Variants in RYK observed in about 807,000 individuals in gnomAD.
RYK encodes the protein receptor like tyrosine kinase.
A neutral mutation model predicts 70.2 loss-of-function variants in RYK; 21 were observed. The ratio of observed to expected loss-of-function variants is 0.30; its 90% CI spans 0.21 to 0.43. The LOEUF (loss-of-function observed/expected upper bound fraction) is 0.43. Among genes scored for constraint, RYK ranks in the 20% least tolerant of loss-of-function variants. The probability of loss-of-function intolerance (pLI) is 1.00; values close to 1 mark genes in which losing one functional copy is unlikely to be tolerated. For synonymous variants in RYK, 267 were observed against 278.0 expected (o/e 0.96, Z 0.39); for missense variants, 604 against 753.3 (o/e 0.80, Z 2.32).
chr3:134,234,628 A>C (rs1246182692), intron 1 of RYK, among the ~76,000 whole-genome samples: 2 of 152,100 alleles, frequency 1.3e-5, no homozygotes, highest in Non-Finnish European at 2.9e-5. Context: ...TTCTAGACAA[A>C]CTCTCATCAT....
At chr3:134,168,619 G>A (rs1261048036) in intron 13 of RYK, among the ~76,000 whole-genome samples, 6 of 123,920 alleles carry the variant, frequency 4.8e-5, no homozygotes, top group East Asian at 2.5e-4. Flanking sequence ...CGGGGCCTTC[G>A]TAGGGTAGGG....
intron 2 of RYK, among the ~76,000 whole-genome samples, chr3:134,215,623 C>T (rs1041968207): frequency 1.3e-5 from 2 of 152,238 alleles, no homozygotes; most frequent in African/African-American, 4.8e-5. Flanking sequence ...AGGACTCTCA[C>T]TTGCCAATCA....
At chr3:134,171,699 T>C (rs905863028) in intron 13 of RYK, among the ~76,000 whole-genome samples, 3 of 151,980 alleles carry the variant, frequency 2.0e-5, no homozygotes, top group Non-Finnish European at 4.4e-5. Context: ...AGCCTCCATC[T>C]CTACAAAAAA....
chr3:134,200,833 G>A (rs2013988525), intron 6 of RYK, among the ~76,000 whole-genome samples: 1 of 152,190 alleles, frequency 6.6e-6, no homozygotes, highest in Non-Finnish European at 1.5e-5. Flanking sequence ...CTCTGAAAAC[G>A]TGATAATATA....
At chr3:134,203,140 G>A (rs2014080951) in intron 5 of RYK, among the ~76,000 whole-genome samples, 2 of 152,112 alleles carry the variant, frequency 1.3e-5, no homozygotes, top group Admixed American at 6.5e-5. Context: ...TTGAGGTCAG[G>A]AGTTTGAGAC....
intron 8 of RYK, among the ~76,000 whole-genome samples, chr3:134,189,633 C>T (rs1252933389): frequency 1.4e-5 from 2 of 147,326 alleles, no homozygotes; most frequent in East Asian, 2.1e-4. Flanking sequence ...ATTAGCCGGG[C>T]GTGGGAGGCT....
At chr3:134,224,176 C>T (rs931697618) in intron 1 of RYK, among the ~76,000 whole-genome samples, 11 of 152,010 alleles carry the variant, frequency 7.2e-5, no homozygotes, top group Non-Finnish European at 1.6e-4. Flanking sequence ...ATGTGGAGAC[C>T]GGTAGTGGCC....
chr3:134,200,666 T>C (rs1455421790), intron 6 of RYK, among the ~76,000 whole-genome samples: 2 of 152,200 alleles, frequency 1.3e-5, no homozygotes, highest in Non-Finnish European at 2.9e-5. Context: ...ACAACATACC[T>C]ACTAGGTGTG....
intron 1 of RYK, among the ~76,000 whole-genome samples, chr3:134,248,061 C>T (rs1394786861): frequency 6.6e-6 from 1 of 152,134 alleles, no homozygotes; most frequent in African/African-American, 2.4e-5. Context: ...ACCCACTTGG[C>T]TCTTCCCTAC....
rs1375222978 is a variant in RYK, at chr3:134,197,495, AATT to A, written c.789-2316_789-2314del. 3.9e-5 allele frequency among the ~76,000 whole-genome samples: 6 copies of A among 152,360 alleles called. No individual in the cohort carries two copies. In the South Asian group the frequency reaches 8.3e-4, roughly 21 times the overall value. ...CCTAGCCCTCAAACATATCTTTATAAATTATTGTTACTAATTTATAGTATACTA... is the reference window on the plus strand; with the variant it reads ...CCTAGCCCTCAAACATATCTTTATAAATTGTTACTAATTTATAGTATACTA... On this transcript the variant is annotated intron_variant, in intron 6 of 14. Transcript: ENST00000623711.
Position 134,177,967 on chromosome 3 carries a change from T to G in RYK, c.1279A>C (p.Lys427Gln). 1.2e-6 allele frequency: 2 copies of G among 1,612,484 alleles called. No homozygotes were observed. Among genetic ancestry groups the G allele is most frequent in the Non-Finnish European group, 1.7e-6 (2 of 1,179,392 alleles). ...TGTGGATTATTGGCCTCTACTAACT[T>G]GCACTGTCGTAAAAACAATTTAAGA... Reference protein sequence around the residue: ...GNLKLFLRQCKLVEANNPQAI... With the variant: ...GNLKLFLRQCQLVEANNPQAI... The change falls in exon 11 of 15, where the codon AAG (lysine) becomes CAG (glutamine). Residue 427 changes from lysine (K) to glutamine (Q), a missense_variant. This residue lies in a region of RYK where 466 missense variants were observed against 535.9 expected (regional missense o/e 0.87). Transcript: ENST00000623711.
intron 1 of RYK, among the ~76,000 whole-genome samples, chr3:134,225,643 T>C (rs2014885109): frequency 6.6e-6 from 1 of 152,110 alleles, no homozygotes; most frequent in Non-Finnish European, 1.5e-5. Context: ...CCATTGAGGC[T>C]AGGAGTTCAA....
At chr3:134,210,769 T>C (rs2014367285) in intron 3 of RYK, among the ~76,000 whole-genome samples, 2 of 152,288 alleles carry the variant, frequency 1.3e-5, no homozygotes, top group Admixed American at 6.5e-5. Context: ...CTCTATGCTA[T>C]GCATCAAGGG....
intron 1 of RYK, among the ~76,000 whole-genome samples, chr3:134,234,290 C>A (rs74455985): frequency 9.2e-5 from 14 of 152,072 alleles, no homozygotes; most frequent in African/African-American, 3.1e-4. Flanking sequence ...ACATTTGTAA[C>A]GACATTATCT....
intron 6 of RYK, among the ~76,000 whole-genome samples, chr3:134,195,971 G>A (rs2013799261): frequency 6.6e-6 from 1 of 151,572 alleles, no homozygotes; most frequent in Non-Finnish European, 1.5e-5. Flanking sequence ...ATCAAATTTG[G>A]TTCAAGTTTA....
chr3:134,199,553 A>C (rs2013922510), intron 6 of RYK, among the ~76,000 whole-genome samples: 1 of 152,234 alleles, frequency 6.6e-6, no homozygotes, highest in South Asian at 2.1e-4. Context: ...AAGATAATAC[A>C]TATAAAGTAC....
In RYK at chr3:134,249,917, G is replaced by GGTT. The variant is rs1172115107; in HGVS notation, c.232+505_232+506insAAC. Among the ~76,000 whole-genome samples the GGTT allele has an allele frequency of 8.6e-5, 8 of 93,366 alleles. 1 individual carries two copies. Among genetic ancestry groups the GGTT allele is most frequent in the African/African-American group, 1.6e-4 (3 of 18,890 alleles). 61.3% of individuals were successfully genotyped at this position (93,366 alleles called of 152,430 possible). On this transcript the variant is annotated intron_variant, in intron 1 of 14. Transcript: ENST00000623711. ...TATAACCTCCCCTTCTTTCTCTCTC[G>GGTT]TTTTTTTTTTTTTTTTTTTTTTTTT...
At chr3:134,207,692 T>C (rs758970178) in intron 4 of RYK, among the ~76,000 whole-genome samples, 167 bp from the exon 5 acceptor site, 5 of 152,182 alleles carry the variant, frequency 3.3e-5, no homozygotes, top group Admixed American at 6.5e-5. Context: ...CACCAATCAA[T>C]AGTCTATACC....
intron 1 of RYK, among the ~76,000 whole-genome samples, chr3:134,246,009 C>A (rs2015455448): frequency 1.3e-5 from 2 of 151,640 alleles, no homozygotes; most frequent in Non-Finnish European, 2.9e-5. Context: ...AAATGAATAA[C>A]CACACTGGAG....
Sources: gnomAD v4.1 joint callset for allele counts (sites outside exome capture counted in the v4.1 genomes callset) on GRCh38, gnomAD v4.1.1 for gene constraint, gnomAD v4.1.1 regional missense constraint, MANE v1.5 for transcripts, NCBI Gene and HGNC (gene_info 2026-07-23, HGNC 2026-07-21) for gene names.